Variants in PARD3B observed in about 807,000 individuals in gnomAD.
PARD3B encodes partitioning defective 3 homolog B.
PARD3B carries 103 observed loss-of-function variants against 130.2 expected under a neutral mutation model. That is an observed-to-expected ratio of 0.79 (90% CI 0.67 to 0.93). The LOEUF is 0.93. Ranked by LOEUF, PARD3B falls within the 40% of genes least tolerant of loss-of-function variation. The pLI, the probability that PARD3B is intolerant of heterozygous loss-of-function variation, is 0.00. For missense variants in PARD3B, 1,609 were observed against 1,499.2 expected, an observed-to-expected ratio of 1.07 and a Z score of -1.21; for synonymous variants, 583 against 553.2, an observed-to-expected ratio of 1.05 and a Z score of -0.76.
At chr2:205,487,389 G>A (rs1478652897) in intron 20 of PARD3B, among the ~76,000 whole-genome samples, 2 of 152,000 alleles carry the variant, frequency 1.3e-5, no homozygotes, top group South Asian at 2.1e-4. Context: ...ATCTACTGAC[G>A]TTTTGTTATA....
chr2:205,583,897 C>A (rs894723800), intron 22 of PARD3B, among the ~76,000 whole-genome samples: 1 of 152,164 alleles, frequency 6.6e-6, no homozygotes, highest in South Asian at 2.1e-4. Context: ...CTGTCACTTC[C>A]AAACTGCCCC....
At chr2:204,790,535 A>T (rs1005331962) in intron 2 of PARD3B, among the ~76,000 whole-genome samples, 2 of 152,210 alleles carry the variant, frequency 1.3e-5, no homozygotes, top group East Asian at 3.9e-4. Context: ...TGATGTTTAC[A>T]TTCTGGTACC....
At chr2:204,827,690 A>T (rs1426142688) in intron 2 of PARD3B, among the ~76,000 whole-genome samples, 2 of 152,256 alleles carry the variant, frequency 1.3e-5, no homozygotes, top group Non-Finnish European at 2.9e-5. Flanking sequence ...ATCTGTCAAG[A>T]TAAATTCCAA....
intron 18 of PARD3B, among the ~76,000 whole-genome samples, chr2:205,380,895 A>AAT (rs1410884616): frequency 6.2e-5 from 5 of 80,200 alleles, no homozygotes; most frequent in Non-Finnish European, 8.2e-5. Context: ...ATATATAAAG[A>AAT]ATATATATAA....
intron 5 of PARD3B, among the ~76,000 whole-genome samples, chr2:205,111,024 A>G (rs1227931388): frequency 2.0e-5 from 3 of 152,120 alleles, no homozygotes; most frequent in Non-Finnish European, 4.4e-5. Context: ...TTCTCTTTTT[A>G]AATAAATAAA....
intron 2 of PARD3B, among the ~76,000 whole-genome samples, chr2:204,949,593 A>T (rs896100169): frequency 6.6e-6 from 1 of 152,140 alleles, no homozygotes; most frequent in Non-Finnish European, 1.5e-5. Context: ...AAGTGCTGGG[A>T]TTACAAGCAT....
At chr2:204,672,276 C>T (rs182520949) in intron 1 of PARD3B, among the ~76,000 whole-genome samples, 4 of 152,140 alleles carry the variant, frequency 2.6e-5, no homozygotes, top group Non-Finnish European at 5.9e-5. Context: ...TGCCTTTTCC[C>T]ATGTAAAGAA....
chr2:205,246,099 A>T (rs912359507), intron 16 of PARD3B, among the ~76,000 whole-genome samples: 1 of 152,172 alleles, frequency 6.6e-6, no homozygotes, highest in Non-Finnish European at 1.5e-5. Context: ...CTAAACACTT[A>T]AAAAAATTGC....
rs182004583 is a variant in PARD3B, at chr2:204,622,275, G to A, written c.121-63906G>A. Among the ~76,000 whole-genome samples, 7 of 152,274 alleles carry A rather than the reference G, an allele frequency of 4.6e-5. No homozygotes were observed. In the East Asian group the frequency reaches 1.4e-3, roughly 29 times the overall value. Reference sequence around the variant, plus strand: ...GGTGGAAATCCTGTACCTCCTTGGAGGGAGACTCAAGACCTGCTTCTTCCA... The same window carrying A: ...GGTGGAAATCCTGTACCTCCTTGGAAGGAGACTCAAGACCTGCTTCTTCCA... On this transcript the variant is annotated intron_variant, in intron 1 of 22. Transcript: ENST00000406610.
chr2:204,641,516 G>A (rs1428206700), intron 1 of PARD3B, among the ~76,000 whole-genome samples: 1 of 152,036 alleles, frequency 6.6e-6, no homozygotes, highest in East Asian at 1.9e-4. Flanking sequence ...AGTTGTTCAT[G>A]CTTGTTGTAA....
intron 20 of PARD3B, among the ~76,000 whole-genome samples, chr2:205,448,635 CATT>C (rs2047990169): frequency 6.6e-6 from 1 of 152,160 alleles, no homozygotes; most frequent in East Asian, 1.9e-4. Flanking sequence ...CATATTTAAT[CATT>C]GTGGGCTCCT....
intron 2 of PARD3B, among the ~76,000 whole-genome samples, chr2:204,929,098 C>CTT (rs5837942): frequency 2.8e-4 from 41 of 148,550 alleles, no homozygotes; most frequent in Non-Finnish European, 3.9e-4. Context: ...AACCAGAATA[C>CTT]TTTTTTTTTT....
chr2:205,516,292 C>G (rs2050789895), intron 21 of PARD3B, among the ~76,000 whole-genome samples: 1 of 151,904 alleles, frequency 6.6e-6, no homozygotes, highest in African/African-American at 2.4e-5. Context: ...TTTTTGGTTC[C>G]ATATGAATGG....
Position 205,575,827 on chromosome 2 carries a change from G to A in PARD3B, c.3260+22424G>A, listed in dbSNP as rs2053738510. 6.6e-6 allele frequency among the ~76,000 whole-genome samples: 1 copy of A among 152,178 alleles called. No homozygotes were observed. The highest frequency in any genetic ancestry group is 2.1e-4 in the South Asian group (1 of 4,832). On this transcript the variant is annotated intron_variant, in intron 22 of 22. Coordinates refer to ENST00000406610, the MANE Select transcript of PARD3B (RefSeq NM_001302769.2). The surrounding 1 kb of genome is among the most constrained non-coding windows in gnomAD (Gnocchi z 4.6). ...TTTGACCATTATGAATAAAGATGCTGTAAACGTGTATGGGCAGGTTTTCTT... is the reference window on the plus strand; with the variant it reads ...TTTGACCATTATGAATAAAGATGCTATAAACGTGTATGGGCAGGTTTTCTT...
At chr2:204,568,460 T>C (rs1445997977) in intron 1 of PARD3B, among the ~76,000 whole-genome samples, 1 of 152,226 alleles carries the variant, frequency 6.6e-6, no homozygotes, top group Non-Finnish European at 1.5e-5. Context: ...AATTGTACTT[T>C]TCTGACAATA....
At chr2:204,603,178 T>C (rs894628029) in intron 1 of PARD3B, among the ~76,000 whole-genome samples, 1 of 152,120 alleles carries the variant, frequency 6.6e-6, no homozygotes, top group African/African-American at 2.4e-5. Context: ...CCTTATCACA[T>C]AACCTGAGGC....
chr2:205,179,918 A>C (rs1028371462), intron 13 of PARD3B, among the ~76,000 whole-genome samples: 2 of 152,144 alleles, frequency 1.3e-5, no homozygotes, highest in African/African-American at 4.8e-5. Context: ...TTTGGTTTGG[A>C]ATTTCAATAG....
At chr2:204,796,719 C>T (rs778879563) in intron 2 of PARD3B, among the ~76,000 whole-genome samples, 23 of 152,232 alleles carry the variant, frequency 1.5e-4, no homozygotes, top group Admixed American at 2.0e-4. Flanking sequence ...AGCTTTTCTA[C>T]TGTCCAGTTT....
chr2:205,610,432 T>G (rs2055190222), intron 22 of PARD3B, among the ~76,000 whole-genome samples: 1 of 152,228 alleles, frequency 6.6e-6, no homozygotes, highest in South Asian at 2.1e-4. Flanking sequence ...ATTTCTTTGC[T>G]GTACCATCAT....
Sources: gnomAD v4.1 joint callset for allele counts (sites outside exome capture counted in the v4.1 genomes callset) on GRCh38, gnomAD v4.1.1 for gene constraint, Gnocchi (gnomAD v3.1) non-coding constraint, MANE v1.5 for transcripts, NCBI Gene and HGNC (gene_info 2026-07-23, HGNC 2026-07-21) for gene names.